KIAA1671: variants seen among roughly 807,000 people sequenced by gnomAD.
The protein encoded by KIAA1671 is KIAA1671.
KIAA1671 carries 52 observed loss-of-function variants against 131.2 expected under a neutral mutation model. The ratio of observed to expected loss-of-function variants is 0.40; its 90% CI spans 0.32 to 0.50. KIAA1671 has a LOEUF of 0.50. Among genes scored for constraint, KIAA1671 ranks in the 20% least tolerant of loss-of-function variants. The probability of loss-of-function intolerance (pLI) is 0.73; values close to 1 mark genes in which losing one functional copy is unlikely to be tolerated. For missense variants in KIAA1671, 2,360 were observed against 2,364.2 expected, an observed-to-expected ratio of 1.00 and a Z score of 0.04; for synonymous variants, 1,003 against 961.6, an observed-to-expected ratio of 1.04 and a Z score of -0.80.
rs147522741 is a variant in KIAA1671 at position 25,089,408 on chromosome 22, G to A, written c.4530+40044G>A. 3.3e-4 allele frequency among the ~76,000 whole-genome samples: 50 copies of A among 151,320 alleles called. No individual in the cohort carries two copies. The East Asian group carries it at 9.6e-3, about 29-fold the overall frequency. On this transcript the variant is annotated intron_variant, in intron 6 of 12. Transcript: ENST00000358431. ...TGCTGCCTCAGCCTCCCGAGTAGCTGGGATTATAGGCACTCACCTCCATGC... is the reference window on the plus strand; with the variant it reads ...TGCTGCCTCAGCCTCCCGAGTAGCTAGGATTATAGGCACTCACCTCCATGC...
intron 6 of KIAA1671, 39 bp downstream of exon 6, chr22:25,049,403 G>T (rs1927412248): frequency 3.3e-6 from 5 of 1,534,804 alleles, no homozygotes; most frequent in Middle Eastern, 1.7e-4. Context: ...TTGCACAGGG[G>T]TGCTGGTTGC....
At chr22:25,074,579 G>A (rs9306409) in intron 6 of KIAA1671, among the ~76,000 whole-genome samples, 71,747 of 148,616 alleles carry the variant, frequency 0.48, 17,929 homozygotes, top group African/African-American at 0.61. Flanking sequence ...ATATGCATAT[G>A]TGTGTGTGTG....
chr22:25,088,945 G>A (rs769912857), intron 6 of KIAA1671, among the ~76,000 whole-genome samples: 9 of 152,154 alleles, frequency 5.9e-5, no homozygotes, highest in Admixed American at 2.0e-4. Context: ...TTCCGTATCC[G>A]TGGATTCAAC....
At chr22:25,147,078 T>C (rs1015937085) in intron 6 of KIAA1671, among the ~76,000 whole-genome samples, 2 of 152,204 alleles carry the variant, frequency 1.3e-5, no homozygotes, top group African/African-American at 4.8e-5. Flanking sequence ...TGAGGGATGC[T>C]CCACCCCCTT....
At chr22:25,027,489 T>C (rs1926011873) in intron 2 of KIAA1671, among the ~76,000 whole-genome samples, 1 of 152,208 alleles carries the variant, frequency 6.6e-6, no homozygotes. Context: ...GTGAGGACGC[T>C]CCCACTGAGG....
At chr22:25,179,239 G>A (rs1934169232) in intron 9 of KIAA1671, 1 of 1,468,868 alleles carries the variant, frequency 6.8e-7, no homozygotes, top group East Asian at 2.5e-5. Context: ...CATCTAGACA[G>A]AGGTGAACGA....
rs143328423 is a variant in KIAA1671, at chr22:25,148,707, C to T, written c.4531-22113C>T. ...ACCTGGAATTTTTGCCCTTCAGAGC[C>T]TTGCAAAGGCTTGGGATGTTAGAAG... is the stretch of plus-strand genomic sequence containing the variant. On this transcript the variant is annotated intron_variant, in intron 6 of 12. Transcript: ENST00000358431. Among the ~76,000 whole-genome samples, 419 of 151,744 alleles carry T rather than the reference C, an allele frequency of 2.8e-3. 2 individuals carry two copies. The highest frequency in any genetic ancestry group is 9.9e-3 in the African/African-American group (407 of 41,208).
chr22:25,050,702 G>A (rs1927488481), intron 6 of KIAA1671: 1 of 152,338 alleles, frequency 6.6e-6, no homozygotes, highest in Admixed American at 6.5e-5. Context: ...ACGGGCCGGG[G>A]AGGAACTCAG....
intron 6 of KIAA1671, among the ~76,000 whole-genome samples, chr22:25,072,934 C>T (rs193195461): frequency 4.6e-5 from 7 of 152,180 alleles, no homozygotes; most frequent in Non-Finnish European, 5.9e-5. Flanking sequence ...CTTGAACATG[C>T]GTTCATCCAT....
In KIAA1671 at chr22:25,165,812, A is replaced by G. The variant is rs149713091; in HGVS notation, c.4531-5008A>G. On this transcript the variant is annotated intron_variant, in intron 6 of 12. Transcript: ENST00000358431. ...ACTTGGAGGTGGTGGCTGCTCCACC[A>G]GGCCTGGAGGTGAGAGGGAGGAATG... is the stretch of plus-strand genomic sequence containing the variant. Among the ~76,000 whole-genome samples the G allele has an allele frequency of 7.2e-3, 1,085 of 150,892 alleles. 33 individuals carry two copies. Among genetic ancestry groups the G allele is most frequent in the Admixed American group, 0.016 (250 of 15,178 alleles).
chr22:25,149,977 G>T (rs748784439), intron 6 of KIAA1671, among the ~76,000 whole-genome samples: 1 of 151,980 alleles, frequency 6.6e-6, no homozygotes, highest in African/African-American at 2.4e-5. Context: ...CTCCAGCCTC[G>T]GCCTTTGCGC....
intron 1 of KIAA1671, among the ~76,000 whole-genome samples, chr22:24,959,098 T>C (rs28874653): frequency 8.4e-4 from 128 of 152,060 alleles, no homozygotes; most frequent in African/African-American, 3.0e-3. Context: ...AGGAGTTCGA[T>C]GCTGCAGTGA....
chr22:24,966,381 A>G (rs1416164758), intron 1 of KIAA1671, among the ~76,000 whole-genome samples: 1 of 152,040 alleles, frequency 6.6e-6, no homozygotes, highest in Non-Finnish European at 1.5e-5. Context: ...CACTCACACC[A>G]CCTGGCCTGT....
chr22:25,188,240 G>T (rs1028996436), intron 11 of KIAA1671, among the ~76,000 whole-genome samples: 3 of 152,210 alleles, frequency 2.0e-5, no homozygotes, highest in African/African-American at 7.2e-5. Flanking sequence ...GGCAGAGCTT[G>T]CAGTAAGCCG....
chr22:25,161,209 G>A (rs942986658), intron 6 of KIAA1671, among the ~76,000 whole-genome samples: 21 of 152,248 alleles, frequency 1.4e-4, no homozygotes, highest in African/African-American at 4.6e-4. Context: ...TAAGCACTGA[G>A]AATTGTGACA....
intron 5 of KIAA1671, among the ~76,000 whole-genome samples, chr22:25,045,824 C>T (rs1927192877): frequency 6.6e-6 from 1 of 152,112 alleles, no homozygotes; most frequent in Non-Finnish European, 1.5e-5. Flanking sequence ...CTCCTGGCCT[C>T]AAGCAGTCTA....
chr22:25,005,365 GAAA>G (rs1245913170), intron 1 of KIAA1671, among the ~76,000 whole-genome samples: 2 of 136,896 alleles, frequency 1.5e-5, no homozygotes, highest in Non-Finnish European at 3.2e-5. Flanking sequence ...AAAAAAAAAA[GAAA>G]AAAAGAAATT....
chr22:25,114,980 T>C (rs1931580307), intron 6 of KIAA1671, among the ~76,000 whole-genome samples: 1 of 152,228 alleles, frequency 6.6e-6, no homozygotes. Flanking sequence ...CTCAGAGCAG[T>C]GTAGAAGAAT....
chr22:25,041,024 T>C lies in KIAA1671; in HGVS notation c.3894T>C (p.Ala1298=). The change falls in exon 5 of 13, where the codon GCT becomes GCC. Residue 1298 remains alanine, a synonymous_variant. Transcript: ENST00000358431. ...MGTKSSPPFW[A]LPPSAPSERY... ...CCAAATCTAGCCCTCCCTTCTGGGC[T>C]CTGCCACCCTCGGCTCCTTCTGAAA... is the stretch of plus-strand genomic sequence containing the variant. The C allele has an allele frequency of 1.3e-6, 2 of 1,490,292 alleles. No homozygotes were observed. The highest frequency in any genetic ancestry group is 2.5e-5 in the East Asian group (1 of 40,502). The allele number at this position is 1,490,292 out of a possible 1,614,324, so 92.3% of individuals were successfully genotyped here. A position where few individuals can be genotyped will look rare whatever the true frequency, so the allele number is the denominator to read the frequency against.
Sources: allele counts gnomAD v4.1 joint callset (sites outside exome capture counted in the v4.1 genomes callset), GRCh38; gene constraint gnomAD v4.1.1; transcripts MANE v1.5; gene names NCBI Gene and HGNC (gene_info 2026-07-23, HGNC 2026-07-21).